CREB3L2: variants seen among roughly 807,000 people sequenced by gnomAD.
The protein encoded by CREB3L2 is cyclic AMP-responsive element-binding protein 3-like protein 2.
Under a neutral mutation model 57.2 loss-of-function variants are expected in CREB3L2, and 23 were observed. That is an observed-to-expected ratio of 0.40 (90% CI 0.29 to 0.57). CREB3L2 has a LOEUF of 0.57. CREB3L2 is among the 20% of genes least tolerant of loss of function. The pLI, the probability that CREB3L2 is intolerant of heterozygous loss-of-function variation, is 0.42. For missense variants in CREB3L2, 628 were observed against 634.7 expected (o/e 0.99, Z 0.11); for synonymous variants, 268 against 265.1 (o/e 1.01, Z -0.11).
At chr7:137,977,634 T>A (rs1801631933) in intron 1 of CREB3L2, among the ~76,000 whole-genome samples, 1 of 152,146 alleles carries the variant, frequency 6.6e-6, no homozygotes, top group Non-Finnish European at 1.5e-5. Flanking sequence ...TAAAAAGAAA[T>A]GTAGGGCTGG....
intron 1 of CREB3L2, among the ~76,000 whole-genome samples, chr7:137,969,791 C>CACACACATACACAT (rs141056660): frequency 0.033 from 4,845 of 148,614 alleles, 108 homozygotes; most frequent in African/African-American, 0.044. Context: ...CACACACACA[C>CACACACATACACAT]ACAACATACA....
intron 1 of CREB3L2, among the ~76,000 whole-genome samples, chr7:137,976,854 A>C (rs979349495): frequency 4.6e-5 from 7 of 152,342 alleles, no homozygotes; most frequent in African/African-American, 1.7e-4. Flanking sequence ...GCCCAGAGAC[A>C]GTGGGAGAGG....
intron 5 of CREB3L2, 151 bp from the exon 6 acceptor site, chr7:137,905,999 T>C: frequency 1.5e-6 from 1 of 684,600 alleles, no homozygotes; most frequent in Non-Finnish European, 2.4e-6. Context: ...GACAGATGGG[T>C]ATTTTGAAGG....
chr7:137,908,636 C>T lies in CREB3L2; in HGVS notation c.584-200G>A, dbSNP rs556858882. Among the ~76,000 whole-genome samples the T allele has an allele frequency of 3.9e-5, 6 of 152,220 alleles. No homozygotes were observed. The South Asian group carries it at 1.2e-3, about 32-fold the overall frequency. ...GGATATAGACCCACATTTGCTTATA[C>T]TGGCAGAAAGAAACACTGGAAGTGA... On this transcript the variant is annotated intron_variant, in intron 4 of 11. Coordinates refer to ENST00000330387, the MANE Select transcript of CREB3L2 (RefSeq NM_194071.4).
intron 10 of CREB3L2, 181 bp downstream of exon 10, chr7:137,884,814 C>T (rs73444631): frequency 4.8e-5 from 35 of 732,560 alleles, no homozygotes; most frequent in African/African-American, 3.6e-4. Context: ...CCAGTGATGC[C>T]GCAGTCCAGT....
chr7:138,001,930 G>A lies in CREB3L2; in HGVS notation c.-225C>T. 2.2e-6 allele frequency: 1 copy of A among 450,874 alleles called. No homozygotes were observed. The highest frequency in any genetic ancestry group is 4.0e-6 in the Non-Finnish European group (1 of 252,846). The allele number at this position is 450,874 out of a possible 1,614,324, so 27.9% of individuals were successfully genotyped here. On this transcript the variant is annotated 5_prime_UTR_variant, in exon 1 of 12. Coordinates refer to ENST00000330387, the MANE Select transcript of CREB3L2 (RefSeq NM_194071.4). This position sits in a 1 kb window ranked among gnomAD's most constrained non-coding sequence, Gnocchi z 4.2. The stretch of plus-strand genomic sequence containing the variant: ...GAGATCCGAGAATCCCCAGGGACAC[G>A]AGCCGGACCAAAGGCTGCCGGGGCT...
At chr7:137,940,114 G>A (rs1800855883) in intron 1 of CREB3L2, among the ~76,000 whole-genome samples, 2 of 152,098 alleles carry the variant, frequency 1.3e-5, no homozygotes, top group African/African-American at 4.8e-5. Context: ...AATTTGGAGG[G>A]TTTTTTGGTC....
chr7:137,981,052 G>A (rs898624539), intron 1 of CREB3L2, among the ~76,000 whole-genome samples: 1 of 152,148 alleles, frequency 6.6e-6, no homozygotes, highest in African/African-American at 2.4e-5. Flanking sequence ...TAAAGCAGGA[G>A]AACCTGAGAT....
intron 1 of CREB3L2, among the ~76,000 whole-genome samples, chr7:138,000,411 GC>G (rs767474432): frequency 6.6e-6 from 1 of 152,128 alleles, no homozygotes; most frequent in Non-Finnish European, 1.5e-5. Flanking sequence ...TCTGGCTTTT[GC>G]CCCAGCATGA....
At position 137,903,974 on chromosome 7, in the gene CREB3L2, T is replaced by C; in HGVS notation, c.959A>G (p.Asp320Gly). 1 of 1,613,928 alleles carries C rather than the reference T, an allele frequency of 6.2e-7. No homozygotes were observed. Among genetic ancestry groups the C allele is most frequent in the Non-Finnish European group, 8.5e-7 (1 of 1,179,764 alleles). ...GCAGGCTTACTTTTTCTCCAGGCTG[T>C]CCATGTATTCTTTCTTCTTTCTCCT... ...ESRRKKKEYM[D>G]SLEKKVESCS... The change falls in exon 7 of 12, where the codon GAC becomes GGC. Residue 320 changes from aspartate to glycine, a missense_variant. By Grantham distance (94) the Asp-to-Gly change is moderately conservative. Around this residue, in one of 3 missense-constraint regions of CREB3L2, gnomAD observed 272 missense variants for 242.7 expected, o/e 1.12. Transcript: ENST00000330387.
At chr7:137,958,887 G>A (rs773857118) in intron 1 of CREB3L2, among the ~76,000 whole-genome samples, 95 of 152,176 alleles carry the variant, frequency 6.2e-4, no homozygotes, top group Non-Finnish European at 6.3e-4. Flanking sequence ...ATCCTCTGGC[G>A]CCAACACTTC....
intron 2 of CREB3L2, among the ~76,000 whole-genome samples, chr7:137,926,257 T>C (rs1800453951): frequency 6.6e-6 from 1 of 152,356 alleles, no homozygotes; most frequent in South Asian, 2.1e-4. Flanking sequence ...TTATAAATCA[T>C]GCTGCTATAA....
chr7:137,948,920 T>C (rs1228727892), intron 1 of CREB3L2, among the ~76,000 whole-genome samples: 1 of 152,212 alleles, frequency 6.6e-6, no homozygotes, highest in Non-Finnish European at 1.5e-5. Flanking sequence ...TTTGTGACTA[T>C]CCCAGGCTTA....
At chr7:137,903,923 T>C in intron 7 of CREB3L2, 36 bp downstream of exon 7, 2 of 1,571,162 alleles carry the variant, frequency 1.3e-6, no homozygotes, top group Non-Finnish European at 1.8e-6. Context: ...CTGTGCATAC[T>C]GCCCGATGAA....
Position 137,879,240 on chromosome 7 carries a change from C to A in CREB3L2, c.*1236G>T. The stretch of plus-strand genomic sequence containing the variant: ...TCTCTTTGGGCGAGCTGCAAAGTAG[C>A]CAAACCTGACTACCAAAGGTAAGAA... On this transcript the variant is annotated 3_prime_UTR_variant, in exon 12 of 12. Coordinates refer to ENST00000330387, the MANE Select transcript of CREB3L2 (RefSeq NM_194071.4). The A allele has an allele frequency of 1.9e-6, 1 of 535,216 alleles. No individual in the cohort carries two copies. Among genetic ancestry groups the A allele is most frequent in the Non-Finnish European group, 3.6e-6 (1 of 275,672 alleles). The allele number at this position is 535,216 out of a possible 1,614,324, so 33.2% of individuals were successfully genotyped here. A position where few individuals can be genotyped will look rare whatever the true frequency, so the allele number is the denominator to read the frequency against.
chr7:137,972,707 A>ACAAAACAAAACAAAC (rs1563270106), intron 1 of CREB3L2, among the ~76,000 whole-genome samples: 4 of 44,200 alleles, frequency 9.0e-5, no homozygotes, highest in African/African-American at 5.2e-4. Context: ...AAAAAAAAAA[A>ACAAAACAAAACAAAC]AAAAAATATA....
intron 8 of CREB3L2, among the ~76,000 whole-genome samples, chr7:137,895,827 A>T (rs1204771102): frequency 1.3e-5 from 2 of 152,214 alleles, no homozygotes; most frequent in African/African-American, 4.8e-5. Flanking sequence ...CATGCCATGC[A>T]TATGAAACAA....
chr7:137,916,300 T>C (rs1800131426), intron 2 of CREB3L2, among the ~76,000 whole-genome samples: 1 of 152,172 alleles, frequency 6.6e-6, no homozygotes, highest in African/African-American at 2.4e-5. Flanking sequence ...AAACCTGGGT[T>C]GATGGGGAAT....
chr7:137,991,994 A>AT (rs1801907651), intron 1 of CREB3L2, among the ~76,000 whole-genome samples: 1 of 152,158 alleles, frequency 6.6e-6, no homozygotes, highest in Non-Finnish European at 1.5e-5. Context: ...GGGCATTAAA[A>AT]TATGGATGGT....
Sources: gnomAD v4.1 joint callset for allele counts (sites outside exome capture counted in the v4.1 genomes callset) on GRCh38, gnomAD v4.1.1 for gene constraint, gnomAD v4.1.1 regional missense constraint, Gnocchi (gnomAD v3.1) non-coding constraint, MANE v1.5 for transcripts, NCBI Gene and HGNC (gene_info 2026-07-23, HGNC 2026-07-21) for gene names.